MED12L: variants seen among roughly 807,000 people sequenced by gnomAD.
The protein encoded by MED12L is mediator complex subunit 12L, also known as mediator of RNA polymerase II transcription subunit 12-like protein.
MED12L carries 60 observed loss-of-function variants against 281.3 expected under a neutral mutation model. That is an observed-to-expected ratio of 0.21 (90% CI 0.17 to 0.26). The LOEUF is 0.26. Ranked by LOEUF, MED12L falls within the 10% of genes least tolerant of loss-of-function variation. The pLI is 1.00. For missense variants in MED12L, 2,146 were observed against 2,680.9 expected (o/e 0.80, Z 4.41); for synonymous variants, 974 against 987.2 (o/e 0.99, Z 0.25).
chr3:151,138,944 A>G (rs757969963), intron 5 of MED12L, among the ~76,000 whole-genome samples: 6 of 152,112 alleles, frequency 3.9e-5, no homozygotes, highest in Non-Finnish European at 5.9e-5. Flanking sequence ...GTATCTACTT[A>G]TTTAAAATTC....
At chr3:151,244,185 A>G (rs1320001064) in intron 16 of MED12L, among the ~76,000 whole-genome samples, 1 of 136,642 alleles carries the variant, frequency 7.3e-6, no homozygotes, top group Non-Finnish European at 1.6e-5. Context: ...TTAACATCCC[A>G]CTGTCAACAT....
intron 11 of MED12L, among the ~76,000 whole-genome samples, chr3:151,175,005 G>T (rs969511603): frequency 6.6e-6 from 1 of 152,146 alleles, no homozygotes; most frequent in Non-Finnish European, 1.5e-5. Flanking sequence ...ATGTTTATAT[G>T]TATAAAGATT....
In MED12L at chr3:151,165,937, T is replaced by A. The variant is rs987629181; in HGVS notation, c.1449T>A (p.Leu483=). The A allele has an allele frequency of 6.2e-7, 1 of 1,613,942 alleles. No homozygotes were observed. The highest frequency in any genetic ancestry group is 1.1e-5 in the South Asian group (1 of 90,998). ...RTDSSNSMET[L]YHKIFWANQN... is the part of the protein sequence containing the mutation. Reference sequence around the variant, plus strand: ...ATTCCAGCAATTCCATGGAGACACTTTATCATAAGATTTTCTGGGCAAACC... The same window carrying A: ...ATTCCAGCAATTCCATGGAGACACTATATCATAAGATTTTCTGGGCAAACC... Residue 483 remains leucine (L), a synonymous_variant, in exon 11 of 45, where the codon CTT becomes CTA. Transcript: ENST00000687756.
intron 5 of MED12L, among the ~76,000 whole-genome samples, chr3:151,139,292 C>T (rs927518300): frequency 3.3e-5 from 5 of 152,148 alleles, no homozygotes; most frequent in African/African-American, 1.2e-4. Context: ...TGAGCCATTT[C>T]TCCAAGGAGC....
chr3:151,237,330 G>T (rs1000519932), intron 16 of MED12L, among the ~76,000 whole-genome samples: 1 of 140,006 alleles, frequency 7.1e-6, no homozygotes, highest in African/African-American at 2.7e-5. Flanking sequence ...GAGCCACCAC[G>T]CCTGGCTTTT....
chr3:151,397,872 C>T (rs898298877), intron 39 of MED12L, among the ~76,000 whole-genome samples: 5 of 152,224 alleles, frequency 3.3e-5, no homozygotes, highest in Non-Finnish European at 7.4e-5. Flanking sequence ...TAGAGAATTT[C>T]CATTTATATT....
At chr3:151,374,630 G>GTT (rs1445306068) in intron 27 of MED12L, among the ~76,000 whole-genome samples, 3 of 152,158 alleles carry the variant, frequency 2.0e-5, no homozygotes, top group African/African-American at 7.2e-5. Flanking sequence ...TTGAAGATTT[G>GTT]TTTGCAATTC....
At chr3:151,249,409 C>T (rs1164110973) in intron 16 of MED12L, among the ~76,000 whole-genome samples, 6 of 152,146 alleles carry the variant, frequency 3.9e-5, no homozygotes, top group Non-Finnish European at 8.8e-5. Context: ...AACATCTGCA[C>T]GTTTCCTTCT....
In MED12L at chr3:151,264,176, C is replaced by T. The variant is rs183461215; in HGVS notation, c.2250+70510C>T. ...TTTAAAGATCTCTGTACTTGTATTT[C>T]CTTGTTCCCTCCCACATTCCCCTAA... On this transcript the variant is annotated intron_variant, in intron 16 of 44. Coordinates refer to ENST00000687756, the MANE Select transcript of MED12L (RefSeq NM_001393769.1). Among the ~76,000 whole-genome samples, 28 of 152,286 alleles carry T rather than the reference C, an allele frequency of 1.8e-4. No individual in the cohort carries two copies. The East Asian group carries it at 5.4e-3, about 29-fold the overall frequency.
intron 40 of MED12L, among the ~76,000 whole-genome samples, chr3:151,409,953 C>A (rs1339658731): frequency 6.6e-6 from 1 of 151,930 alleles, no homozygotes; most frequent in Admixed American, 6.6e-5. Context: ...GACCCTGTCT[C>A]AAAATAAATA....
At chr3:151,149,926 C>A (rs1403207194) in intron 5 of MED12L, among the ~76,000 whole-genome samples, 2 of 152,202 alleles carry the variant, frequency 1.3e-5, no homozygotes, top group African/African-American at 4.8e-5. Context: ...GGCTCCCCTT[C>A]TAATTCTAGT....
chr3:151,129,793 T>TG (rs916309797), intron 5 of MED12L, among the ~76,000 whole-genome samples: 6 of 151,500 alleles, frequency 4.0e-5, no homozygotes, highest in Non-Finnish European at 7.4e-5. Flanking sequence ...TTTTTAGAGG[T>TG]GGGGGGTCTC....
rs1469902954 is a variant in MED12L, at chr3:151,116,339, A to G, written c.101A>G (p.Asp34Gly). The stretch of plus-strand genomic sequence containing the variant: ...TAATCAATACCGTCTCTTGAACAGG[A>G]TGAACTTACTGCTGTGAATGTAAAG... ...VYPQDPKQKE[D>G]ELTAVNVKQG... The change falls in exon 3 of 45, where the codon GAT becomes GGT. Residue 34 changes from aspartate (D) to glycine (G), a missense_variant and splice_region_variant. This residue lies in a region of MED12L where 3 missense variants were observed against 18.6 expected (regional missense o/e 0.16). Coordinates refer to ENST00000687756, the MANE Select transcript of MED12L (RefSeq NM_001393769.1). The G allele has an allele frequency of 1.2e-6, 2 of 1,610,030 alleles. No homozygotes were observed. The highest frequency in any genetic ancestry group is 1.7e-6 in the Non-Finnish European group (2 of 1,176,796).
chr3:151,332,712 C>T (rs563770570), intron 16 of MED12L, among the ~76,000 whole-genome samples: 1 of 151,634 alleles, frequency 6.6e-6, no homozygotes, highest in East Asian at 1.9e-4. Flanking sequence ...TGTTTCATTC[C>T]ATGTTAGTAC....
intron 15 of MED12L, among the ~76,000 whole-genome samples, chr3:151,192,885 T>C (rs1316974940): frequency 1.3e-5 from 2 of 152,220 alleles, no homozygotes; most frequent in African/African-American, 4.8e-5. Flanking sequence ...TGGCTAACTT[T>C]TTTGTTCATT....
chr3:151,208,987 T>C (rs944366084), intron 16 of MED12L, among the ~76,000 whole-genome samples: 3 of 152,096 alleles, frequency 2.0e-5, no homozygotes, highest in Non-Finnish European at 4.4e-5. Context: ...GTGTTGCAGG[T>C]CCCCAAAACA....
chr3:151,280,137 G>A (rs1742582219), intron 16 of MED12L, among the ~76,000 whole-genome samples: 1 of 152,188 alleles, frequency 6.6e-6, no homozygotes, highest in Admixed American at 6.5e-5. Flanking sequence ...CCTACAGGTG[G>A]TCCCCTCGTG....
intron 2 of MED12L, among the ~76,000 whole-genome samples, chr3:151,094,392 A>G (rs1363620536): frequency 6.6e-6 from 1 of 152,178 alleles, no homozygotes; most frequent in East Asian, 1.9e-4. Context: ...GGGGTGATTG[A>G]CTTAGCTTGG....
At chr3:151,417,487 C>CTTCTTTTT (rs1717742862) in intron 43 of MED12L, among the ~76,000 whole-genome samples, 1 of 78,818 alleles carries the variant, frequency 1.3e-5, no homozygotes, top group Non-Finnish European at 2.3e-5. Flanking sequence ...CCCCCCCCGC[C>CTTCTTTTT]TTTTTTTTTT....
Sources: allele counts gnomAD v4.1 joint callset (sites outside exome capture counted in the v4.1 genomes callset), GRCh38; gene constraint gnomAD v4.1.1; regional missense constraint gnomAD v4.1.1; transcripts MANE v1.5; gene names NCBI Gene and HGNC (gene_info 2026-07-23, HGNC 2026-07-21).